MYRFL: variants seen among roughly 807,000 people sequenced by gnomAD.
The protein encoded by MYRFL is myelin regulatory factor like.
In MYRFL, 88 loss-of-function variants were observed where a neutral mutation model predicts 109.4. The observed-to-expected ratio is 0.80, with a 90% confidence interval of 0.68 to 0.96. The LOEUF is 0.96. Among genes scored for constraint, MYRFL ranks in the 40% least tolerant of loss-of-function variants. The probability of loss-of-function intolerance (pLI) is 0.00; values close to 1 mark genes in which losing one functional copy is unlikely to be tolerated. For synonymous variants in MYRFL, 324 were observed against 320.9 expected (o/e 1.01, Z -0.10); for missense variants, 957 against 954.9 (o/e 1.00, Z -0.03).
intron 19 of MYRFL, among the ~76,000 whole-genome samples, chr12:69,940,272 G>A (rs1030933225): frequency 1.3e-5 from 2 of 150,742 alleles, no homozygotes; most frequent in African/African-American, 4.9e-5. Context: ...AAGTTGAAAT[G>A]AAGGAAAAAA....
At chr12:69,954,642 CT>C (rs1956055585) in intron 21 of MYRFL, among the ~76,000 whole-genome samples, 1 of 152,220 alleles carries the variant, frequency 6.6e-6, no homozygotes, top group South Asian at 2.1e-4. Context: ...AAATAACTGA[CT>C]CTTTTTCCCA....
At chr12:69,943,546 A>G (rs1955733635) in intron 19 of MYRFL, among the ~76,000 whole-genome samples, 1 of 151,496 alleles carries the variant, frequency 6.6e-6, no homozygotes, top group South Asian at 2.1e-4. Flanking sequence ...GATGGATTAA[A>G]GACTTACATG....
chr12:69,957,850 T>C lies in MYRFL; in HGVS notation c.2479T>C (p.Cys827Arg), dbSNP rs950871446. The change falls in exon 23 of 25, where the codon TGC (cysteine) becomes CGC (arginine). Residue 827 changes from cysteine (C) to arginine (R), a missense_variant. By Grantham distance (180) the Cys-to-Arg change is radical (BLOSUM62 -3). Coordinates refer to ENST00000552032, the MANE Select transcript of MYRFL (RefSeq NM_182530.3). Reference sequence around the variant, plus strand: ...AACAGAGCCATTGATAGTCTTCCAGTGCAAATTCACCCTTGGAAATATATG... The same window carrying C: ...AACAGAGCCATTGATAGTCTTCCAGCGCAAATTCACCCTTGGAAATATATG... ...NTTEPLIVFQCKFTLGNICFH... is the reference protein window; with the variant it reads ...NTTEPLIVFQRKFTLGNICFH... The C allele has an allele frequency of 2.0e-6, 3 of 1,534,346 alleles. No individual in the cohort carries two copies. The highest frequency in any genetic ancestry group is 1.7e-6 in the Non-Finnish European group (2 of 1,145,612).
chr12:69,893,703 C>A, intron 7 of MYRFL, 61 bp from the exon 8 acceptor site: 1 of 1,094,810 alleles, frequency 9.1e-7, no homozygotes, highest in South Asian at 2.3e-5. Context: ...CTTGAACATT[C>A]TTTGCTGATT....
chr12:69,828,038 A>G (rs988778337), intron 1 of MYRFL, among the ~76,000 whole-genome samples: 1 of 152,132 alleles, frequency 6.6e-6, no homozygotes, highest in Non-Finnish European at 1.5e-5. Flanking sequence ...GGAAGAGTTT[A>G]TCTTAAAGGA....
At chr12:69,910,292 G>T (rs1954516945) in intron 12 of MYRFL, among the ~76,000 whole-genome samples, 1 of 152,096 alleles carries the variant, frequency 6.6e-6, no homozygotes, top group African/African-American at 2.4e-5. Context: ...AGGTACTGGT[G>T]GTGTAGGTTG....
At chr12:69,905,247 T>C (rs1297070683) in intron 11 of MYRFL, among the ~76,000 whole-genome samples, 2 of 152,248 alleles carry the variant, frequency 1.3e-5, no homozygotes, top group African/African-American at 2.4e-5. Context: ...AAAAGTCCTG[T>C]ACAACCCTTC....
chr12:69,910,966 T>C, intron 13 of MYRFL, 36 bp downstream of exon 13: 2 of 1,436,676 alleles, frequency 1.4e-6, no homozygotes, highest in Non-Finnish European at 1.9e-6. Context: ...CTATAAGCTA[T>C]CAGTCTAGGG....
At chr12:69,854,525 A>G (rs1487782448) in intron 1 of MYRFL, among the ~76,000 whole-genome samples, 2 of 152,118 alleles carry the variant, frequency 1.3e-5, no homozygotes, top group African/African-American at 4.8e-5. Context: ...CTGGGACTAC[A>G]GGCACATGCC....
At chr12:69,917,808 G>A (rs1256240471) in intron 13 of MYRFL, among the ~76,000 whole-genome samples, 1 of 151,652 alleles carries the variant, frequency 6.6e-6, no homozygotes, top group Non-Finnish European at 1.5e-5. Context: ...AAGAGAAGTG[G>A]TTTTATTGAC....
In MYRFL at chr12:69,868,819, G is replaced by A. The variant is rs905225782; in HGVS notation, c.138-10209G>A. The stretch of plus-strand genomic sequence containing the variant: ...ACAGTCTCCCCATTGGAGCACTATG[G>A]AGTGCACATGTACACACACATGCAC... On this transcript the variant is annotated intron_variant, in intron 2 of 24. Transcript: ENST00000552032. Among the ~76,000 whole-genome samples, 6 of 152,154 alleles carry A rather than the reference G, an allele frequency of 3.9e-5. No individual in the cohort carries two copies. The South Asian group carries it at 1.0e-3, about 26-fold the overall frequency.
rs189701362 is a variant in MYRFL, at chr12:69,860,716, T to C, written c.137+5346T>C. On this transcript the variant is annotated intron_variant, in intron 2 of 24. Transcript: ENST00000552032. ...AATATATTGATTGCCTTTTAAACTC[T>C]TCATATAGATTTATTTTCTTTTTTT... Among the ~76,000 whole-genome samples, 3 of 152,080 alleles carry C rather than the reference T, an allele frequency of 2.0e-5. No homozygotes were observed. In the East Asian group the frequency reaches 5.8e-4, roughly 29 times the overall value.
chr12:69,915,776 A>G (rs117857651), intron 13 of MYRFL, among the ~76,000 whole-genome samples: 4 of 152,064 alleles, frequency 2.6e-5, no homozygotes, highest in African/African-American at 4.8e-5. Context: ...CTAACCCTGC[A>G]TTAGACCGGT....
At chr12:69,866,844 G>T (rs1885047268) in intron 2 of MYRFL, among the ~76,000 whole-genome samples, 1 of 152,154 alleles carries the variant, frequency 6.6e-6, no homozygotes, top group African/African-American at 2.4e-5. Context: ...ATGTTCCATG[G>T]TCAGTAAATT....
chr12:69,870,200 CT>C (rs1400042543), intron 2 of MYRFL, among the ~76,000 whole-genome samples: 2 of 132,840 alleles, frequency 1.5e-5, no homozygotes, highest in Admixed American at 1.6e-4. Flanking sequence ...CCTCTGCCTC[CT>C]GGGTTCAAGC....
intron 1 of MYRFL, among the ~76,000 whole-genome samples, chr12:69,854,794 C>T (rs143045420): frequency 6.6e-6 from 1 of 152,254 alleles, no homozygotes; most frequent in East Asian, 1.9e-4. Context: ...GTACCCATCA[C>T]CCGAAACCCC....
At chr12:69,905,355 T>A (rs1592797478) in intron 11 of MYRFL, among the ~76,000 whole-genome samples, 1 of 152,254 alleles carries the variant, frequency 6.6e-6, no homozygotes, top group East Asian at 1.9e-4. Context: ...AATAACAAGC[T>A]TCTGGAGAAC....
At chr12:69,921,618 A>G (rs1039656532) in intron 13 of MYRFL, among the ~76,000 whole-genome samples, 6 of 152,238 alleles carry the variant, frequency 3.9e-5, no homozygotes, top group Non-Finnish European at 5.9e-5. Context: ...GTAATTTTCT[A>G]TTGGATGGAT....
chr12:69,843,922 G>C (rs1222330200), intron 1 of MYRFL, among the ~76,000 whole-genome samples: 3 of 152,204 alleles, frequency 2.0e-5, no homozygotes, highest in African/African-American at 7.2e-5. Context: ...AGTGGAACCT[G>C]ATTTCAAACT....
Sources: gnomAD v4.1 joint callset for allele counts (sites outside exome capture counted in the v4.1 genomes callset) on GRCh38, gnomAD v4.1.1 for gene constraint, MANE v1.5 for transcripts, NCBI Gene and HGNC (gene_info 2026-07-23, HGNC 2026-07-21) for gene names.